The following MOB4 variants were observed in gnomAD, a reference collection of about 807,000 sequenced individuals.
MOB4 encodes the protein MOB family member 4, phocein.
In MOB4, 4 loss-of-function variants were observed where a neutral mutation model predicts 32.2. That is an observed-to-expected ratio of 0.12 (90% CI 0.06 to 0.28). The LOEUF (loss-of-function observed/expected upper bound fraction) is 0.28. Ranked by LOEUF, MOB4 falls within the 10% of genes least tolerant of loss-of-function variation. The probability of loss-of-function intolerance (pLI) is 1.00; values close to 1 mark genes in which losing one functional copy is unlikely to be tolerated. For synonymous variants in MOB4, 88 were observed against 88.1 expected, an observed-to-expected ratio of 1.00 and a Z score of 0.01; for missense variants, 158 against 271.2, an observed-to-expected ratio of 0.58 and a Z score of 2.93.
chr2:197,549,882 A>G (rs1470074088), intron 6 of MOB4, among the ~76,000 whole-genome samples: 2 of 151,740 alleles, frequency 1.3e-5, no homozygotes, highest in African/African-American at 2.4e-5. Context: ...AAAAAAAAGA[A>G]AAGAAAAGGA....
Position 197,551,283 on chromosome 2 carries a change from G to A in MOB4, c.*637G>A, listed in dbSNP as rs535448058. ...TTTACCGTTCTGCAACAACGGACTG[G>A]TACATACAGGATGATCACAATGGTA... On this transcript the variant is annotated 3_prime_UTR_variant, in exon 8 of 8. Coordinates refer to ENST00000323303, the MANE Select transcript of MOB4 (RefSeq NM_015387.5). 1 of 152,682 alleles carries A rather than the reference G, an allele frequency of 6.5e-6. No individual in the cohort carries two copies. The highest frequency in any genetic ancestry group is 2.1e-4 in the South Asian group (1 of 4,824). The allele number at this position is 152,682 out of a possible 1,614,324, so 9.5% of individuals were successfully genotyped here.
At chr2:197,515,827 C>T (rs2086396963), upstream of MOB4, 2 of 527,200 alleles carry the variant, frequency 3.8e-6, no homozygotes, top group Non-Finnish European at 3.3e-6. Context: ...CCCCGCAGCC[C>T]TCGCAAAGAG....
At chr2:197,546,047 CTTTTTAT>C (rs1215496206) in intron 5 of MOB4, among the ~76,000 whole-genome samples, 1 of 151,888 alleles carries the variant, frequency 6.6e-6, no homozygotes, top group Non-Finnish European at 1.5e-5. Flanking sequence ...TTCACGTTAC[CTTTTTAT>C]TTTTTATTTT....
intron 1 of MOB4, among the ~76,000 whole-genome samples, chr2:197,516,907 A>AG (rs1172160269): frequency 6.6e-6 from 1 of 152,230 alleles, no homozygotes; most frequent in Admixed American, 6.5e-5. Context: ...CCTCACATTA[A>AG]AAATAAATAA....
chr2:197,527,936 G>A (rs947899348), intron 2 of MOB4, among the ~76,000 whole-genome samples: 1 of 151,732 alleles, frequency 6.6e-6, no homozygotes, highest in Non-Finnish European at 1.5e-5. Flanking sequence ...CATTGTTGTT[G>A]TTTTTTTAAA....
At chr2:197,531,775 C>G (rs1198233341) in intron 2 of MOB4, among the ~76,000 whole-genome samples, 1 of 152,000 alleles carries the variant, frequency 6.6e-6, no homozygotes, top group Non-Finnish European at 1.5e-5. Flanking sequence ...GAACTCCTGA[C>G]CTCGTGATCC....
intron 2 of MOB4, among the ~76,000 whole-genome samples, chr2:197,533,584 G>T (rs2086744019): frequency 6.6e-6 from 1 of 151,904 alleles, no homozygotes; most frequent in Non-Finnish European, 1.5e-5. Flanking sequence ...AATTAGCCGG[G>T]CGTGATGGCA....
At chr2:197,523,573 T>G (rs750951017) in intron 1 of MOB4, 51 bp from the exon 2 acceptor site, 1 of 1,550,322 alleles carries the variant, frequency 6.5e-7, no homozygotes, top group South Asian at 1.2e-5. Flanking sequence ...GAATTGAAGT[T>G]AATCATAATA....
chr2:197,521,284 C>T (rs1236963382), intron 1 of MOB4, among the ~76,000 whole-genome samples: 1 of 152,048 alleles, frequency 6.6e-6, no homozygotes, highest in Non-Finnish European at 1.5e-5. Flanking sequence ...GCAAAACCGG[C>T]AAGTTTTTAT....
chr2:197,551,869 A>C lies in MOB4; in HGVS notation c.*1223A>C, dbSNP rs2087103940. 1 of 152,334 alleles carries C rather than the reference A, an allele frequency of 6.6e-6. No individual in the cohort carries two copies. The highest frequency in any genetic ancestry group is 6.6e-5 in the Admixed American group (1 of 15,266). 9.4% of individuals were successfully genotyped at this position (152,334 alleles called of 1,614,324 possible). A position where few individuals can be genotyped will look rare whatever the true frequency, so the allele number is the denominator to read the frequency against. On this transcript the variant is annotated 3_prime_UTR_variant, in exon 8 of 8. Coordinates refer to ENST00000323303, the MANE Select transcript of MOB4 (RefSeq NM_015387.5). ...AATGCCATTTTTGATAAAGCACTGG[A>C]GGTCTTATTGCCAAACTGATTGTAA...
chr2:197,534,393 C>CT (rs1373308349), intron 2 of MOB4, among the ~76,000 whole-genome samples: 4 of 150,910 alleles, frequency 2.7e-5, no homozygotes, highest in Admixed American at 6.6e-5. Flanking sequence ...CCTCCCTTGC[C>CT]TTTTTTTTTA....
chr2:197,549,894 A>G (rs1574657431), intron 6 of MOB4, among the ~76,000 whole-genome samples: 1 of 152,034 alleles, frequency 6.6e-6, no homozygotes, highest in East Asian at 1.9e-4. Context: ...AGAAAAGGAA[A>G]GAATAACCTA....
At chr2:197,531,902 CATT>C (rs1219389386) in intron 2 of MOB4, among the ~76,000 whole-genome samples, 1 of 151,870 alleles carries the variant, frequency 6.6e-6, no homozygotes, top group African/African-American at 2.4e-5. Context: ...GTGGAGGACT[CATT>C]ATAGAAAACA....
intron 1 of MOB4, among the ~76,000 whole-genome samples, chr2:197,519,387 C>T (rs759051287): frequency 2.6e-5 from 4 of 152,162 alleles, no homozygotes; most frequent in African/African-American, 4.8e-5. Flanking sequence ...AGGATAACTC[C>T]GTACCCCCAC....
chr2:197,525,240 G>A (rs1365289353), intron 2 of MOB4, among the ~76,000 whole-genome samples: 9 of 145,714 alleles, frequency 6.2e-5, no homozygotes, highest in African/African-American at 2.3e-4. Flanking sequence ...CCAGCTACTC[G>A]GGGGCTGAGG....
intron 2 of MOB4, among the ~76,000 whole-genome samples, chr2:197,533,384 A>T (rs781001087): frequency 6.6e-6 from 1 of 151,858 alleles, no homozygotes; most frequent in African/African-American, 2.4e-5. Flanking sequence ...AGGATGAGAT[A>T]AAAAAAATCA....
intron 2 of MOB4, among the ~76,000 whole-genome samples, chr2:197,525,347 C>CA (rs766280342): frequency 0.051 from 5,831 of 113,272 alleles, 346 homozygotes; most frequent in African/African-American, 0.16. Flanking sequence ...GACTCCATCT[C>CA]AAAAAAAAAA....
Position 197,539,339 on chromosome 2 carries a change from G to A in MOB4, c.225-772G>A, listed in dbSNP as rs1427369086. Among the ~76,000 whole-genome samples, 3 of 84,344 alleles carry A rather than the reference G, an allele frequency of 3.6e-5. No homozygotes were observed. The Admixed American group carries it at 4.0e-4, about 11-fold the overall frequency. 55.3% of individuals were successfully genotyped at this position (84,344 alleles called of 152,430 possible). On this transcript the variant is annotated intron_variant, in intron 3 of 7. Transcript: ENST00000323303. ...GTAATTTTTTTTTTTTTTTTTTTGA[G>A]ATGGAGCCTTACTCTGTTTCCCAGG...
At chr2:197,523,256 A>G (rs2086553242) in intron 1 of MOB4, among the ~76,000 whole-genome samples, 1 of 152,196 alleles carries the variant, frequency 6.6e-6, no homozygotes, top group Non-Finnish European at 1.5e-5. Context: ...CGTAATTTAT[A>G]GTTCAATTAA....
Sources: gnomAD v4.1 joint callset for allele counts (sites outside exome capture counted in the v4.1 genomes callset) on GRCh38, gnomAD v4.1.1 for gene constraint, MANE v1.5 for transcripts, NCBI Gene and HGNC (gene_info 2026-07-23, HGNC 2026-07-21) for gene names.